GBP3: variants seen among roughly 807,000 people sequenced by gnomAD.
GBP3 encodes the protein guanylate-binding protein 3.
A neutral mutation model predicts 62.4 loss-of-function variants in GBP3; 55 were observed. The ratio of observed to expected loss-of-function variants is 0.88; its 90% CI spans 0.71 to 1.10. The LOEUF (loss-of-function observed/expected upper bound fraction) is 1.10, where lower values mean the gene tolerates loss of function less well. Among genes scored for constraint, GBP3 ranks in the 50% least tolerant of loss-of-function variants. The pLI, the probability that GBP3 is intolerant of heterozygous loss-of-function variation, is 0.00. For synonymous variants in GBP3, 208 were observed against 259.2 expected, an observed-to-expected ratio of 0.80 and a Z score of 1.90; for missense variants, 605 against 690.6, an observed-to-expected ratio of 0.88 and a Z score of 1.39.
chr1:89,021,833 A>AGAC (rs1570913044), intron 1 of GBP3, among the ~76,000 whole-genome samples: 2 of 54,604 alleles, frequency 3.7e-5, no homozygotes, highest in Admixed American at 2.0e-4. Context: ...GAGAGAGAGA[A>AGAC]AGTGCCAGCA....
At chr1:89,014,739 T>C in intron 3 of GBP3, 83 bp from the exon 4 acceptor site, 2 of 1,541,144 alleles carry the variant, frequency 1.3e-6, no homozygotes, top group Admixed American at 1.8e-5. Context: ...AAGTATATCA[T>C]AAGTTAGAGT....
intron 6 of GBP3, among the ~76,000 whole-genome samples, 180 bp from the exon 7 acceptor site, chr1:89,012,207 T>G (rs1311574084): frequency 7.3e-6 from 1 of 137,810 alleles, no homozygotes; most frequent in East Asian, 2.1e-4. Flanking sequence ...TGAATTAGAG[T>G]TTTTTCTTTG....
chr1:89,015,704 A>T (rs537851711), intron 2 of GBP3, among the ~76,000 whole-genome samples: 2 of 145,380 alleles, frequency 1.4e-5, no homozygotes, highest in Non-Finnish European at 1.5e-5. Flanking sequence ...AGATAGCACC[A>T]CTGCACTCCA....
intron 2 of GBP3, among the ~76,000 whole-genome samples, chr1:89,018,386 G>A (rs1201473976): frequency 3.3e-5 from 5 of 152,140 alleles, no homozygotes; most frequent in Non-Finnish European, 7.3e-5. Context: ...CTGTCCATGT[G>A]GATAAGATAG....
intron 2 of GBP3, among the ~76,000 whole-genome samples, chr1:89,016,112 T>G (rs1678875155): frequency 6.6e-6 from 1 of 152,206 alleles, no homozygotes; most frequent in Non-Finnish European, 1.5e-5. Context: ...AAAATTAACA[T>G]GCAGAAATCT....
At chr1:89,014,923 T>G (rs1481265172) in intron 3 of GBP3, among the ~76,000 whole-genome samples, 2 of 152,222 alleles carry the variant, frequency 1.3e-5, no homozygotes, top group Non-Finnish European at 2.9e-5. Flanking sequence ...TCAAGGTTAA[T>G]GGGCATTCTA....
At chr1:89,021,788 TGAGAGAGAGAGAGA>T (rs146229731) in intron 1 of GBP3, among the ~76,000 whole-genome samples, 6,278 of 65,370 alleles carry the variant, frequency 0.096, 599 homozygotes, top group African/African-American at 0.27. Flanking sequence ...GCTGGAAAGA[TGAGAGAGAGAGAGA>T]GAGAGAGAGA....
Position 89,014,142 on chromosome 1 carries a change from G to C in GBP3, c.566C>G (p.Ala189Gly). ...TLRDFSLDLE[A>G]DGQPLTPDEY... ...ATCTGGTGTGAGGGGTTGTCCATCT[G>C]CTTCCAAGTCCAGGGAGAAATCTCT... Residue 189 changes from alanine to glycine, a missense_variant, in exon 5 of 11, where the codon GCA (alanine) becomes GGA (glycine). Transcript: ENST00000370481. 1 of 1,614,194 alleles carries C rather than the reference G, an allele frequency of 6.2e-7. No homozygotes were observed. The highest frequency in any genetic ancestry group is 8.5e-7 in the Non-Finnish European group (1 of 1,180,028).
At chr1:89,022,155 C>T (rs1459274340) in intron 1 of GBP3, among the ~76,000 whole-genome samples, 1 of 152,012 alleles carries the variant, frequency 6.6e-6, no homozygotes, top group Non-Finnish European at 1.5e-5. Context: ...AAAAAGTATA[C>T]TGTTTTCATG....
intron 2 of GBP3, among the ~76,000 whole-genome samples, chr1:89,016,015 C>T (rs1020061264): frequency 2.6e-5 from 4 of 152,096 alleles, no homozygotes; most frequent in Non-Finnish European, 5.9e-5. Flanking sequence ...TCTCTATTTA[C>T]TGATGATATG....
In GBP3 at chr1:89,013,300, T is replaced by C. The variant is rs1678682780; in HGVS notation, c.753A>G (p.Leu251=). 6.2e-7 allele frequency: 1 copy of C among 1,614,234 alleles called. No homozygotes were observed. Among genetic ancestry groups the C allele is most frequent in the Non-Finnish European group, 8.5e-7 (1 of 1,180,034 alleles). ...ATTCAGGGTCCAGCTCTTCATCTTGTAGTTTCTCAAGCTGGGCAAGCTTCC... is the reference window on the plus strand; with the variant it reads ...ATTCAGGGTCCAGCTCTTCATCTTGCAGTTTCTCAAGCTGGGCAAGCTTCC... ...HRRKLAQLEK[L]QDEELDPEFV... is the part of the protein sequence containing the mutation. Residue 251 remains leucine (L), a synonymous_variant, in exon 6 of 11, where the codon CTA becomes CTG. Coordinates refer to ENST00000370481, the MANE Select transcript of GBP3 (RefSeq NM_018284.3).
chr1:89,014,041 G>T, intron 5 of GBP3, 42 bp downstream of exon 5: 1 of 1,575,362 alleles, frequency 6.3e-7, no homozygotes, highest in African/African-American at 1.3e-5. Context: ...ATAATTTCTA[G>T]TGTTTTGTCG....
intron 2 of GBP3, 66 bp from the exon 3 acceptor site, chr1:89,015,480 C>T: frequency 6.9e-7 from 1 of 1,457,224 alleles, no homozygotes; most frequent in Admixed American, 1.9e-5. Flanking sequence ...GAAATTGAGG[C>T]AAATGTAGCA....
intron 2 of GBP3, among the ~76,000 whole-genome samples, chr1:89,018,572 A>C (rs2101160079): frequency 6.6e-6 from 1 of 152,338 alleles, no homozygotes; most frequent in African/African-American, 2.4e-5. Context: ...CTTGCTAATC[A>C]TAGGTTATGA....
chr1:89,021,509 C>T (rs961212632), intron 1 of GBP3, among the ~76,000 whole-genome samples: 24 of 93,734 alleles, frequency 2.6e-4, no homozygotes, highest in East Asian at 1.1e-3. Context: ...TGCGCGCGCG[C>T]GCACACACAC....
chr1:89,013,379 C>T lies in GBP3; in HGVS notation c.674G>A (p.Arg225Gln), dbSNP rs762345559. ...ACATTTTTTCTTTGGGAAGAACTTCCGGATACAGAGTCGGGGCAGATTAAA... is the reference window on the plus strand; with the variant it reads ...ACATTTTTTCTTTGGGAAGAACTTCTGGATACAGAGTCGGGGCAGATTAAA... ...KNFNLPRLCI[R>Q]KFFPKKKCFV... is the part of the protein sequence containing the mutation. Residue 225 changes from arginine (R) to glutamine (Q), a missense_variant, in exon 6 of 11, where the codon CGG becomes CAG. Coordinates refer to ENST00000370481, the MANE Select transcript of GBP3 (RefSeq NM_018284.3). 108 of 1,613,898 alleles carry T rather than the reference C, an allele frequency of 6.7e-5. No individual in the cohort carries two copies. Among genetic ancestry groups the T allele is most frequent in the Middle Eastern group, 4.9e-4 (3 of 6,084 alleles).
rs762457345 is a variant in GBP3 at position 89,020,668 on chromosome 1, A to G, written c.54T>C (p.Asn18=). The G allele has an allele frequency of 6.2e-7, 1 of 1,614,152 alleles. No individual in the cohort carries two copies. Among genetic ancestry groups the G allele is most frequent in the Admixed American group, 1.7e-5 (1 of 60,022 alleles). Residue 18 remains asparagine, a synonymous_variant, in exon 2 of 11, where the codon AAT becomes AAC. Transcript: ENST00000370481. ...CTTCTGGATTCGCCACCAGTTCCCC[A>G]TTAGTGTTCTCAATGAGGCACATTG... The part of the protein sequence containing the change: ...TGPMCLIENT[N]GELVANPEAL...
chr1:89,021,496 G>T (rs1042453979), intron 1 of GBP3, among the ~76,000 whole-genome samples: 1 of 112,926 alleles, frequency 8.9e-6, no homozygotes, highest in Non-Finnish European at 1.9e-5. Context: ...TAAGAAACAC[G>T]CATGCGCGCG....
At position 89,007,758 on chromosome 1, in the gene GBP3, G is replaced by GTT. The variant is rs548474277; in HGVS notation, c.1752_1753dup (p.Thr585LysfsTer10). ...TAGCTTATGCGACATATATCTCTTGGTTTTTTTTTTCAGGGTCTTCTGTAG... is the reference window on the plus strand; with the variant it reads ...TAGCTTATGCGACATATATCTCTTGGTTTTTTTTTTTTCAGGGTCTTCTGTAG... On this transcript the variant is annotated frameshift_variant, in exon 11 of 11. Coordinates refer to ENST00000370481, the MANE Select transcript of GBP3 (RefSeq NM_018284.3). LOFTEE classifies it low-confidence loss of function (END_TRUNC). 33 of 1,447,042 alleles carry GTT rather than the reference G, an allele frequency of 2.3e-5. No individual in the cohort carries two copies. The highest frequency in any genetic ancestry group is 4.3e-5 in the African/African-American group (3 of 69,610). The allele number at this position is 1,447,042 out of a possible 1,614,324, so 89.6% of individuals were successfully genotyped here.
Sources: allele counts gnomAD v4.1 joint callset (sites outside exome capture counted in the v4.1 genomes callset), GRCh38; gene constraint gnomAD v4.1.1; transcripts MANE v1.5; gene names NCBI Gene and HGNC (gene_info 2026-07-23, HGNC 2026-07-21).